Variants in ANKRD62 observed in about 807,000 individuals in gnomAD.
The protein encoded by ANKRD62 is ankyrin repeat domain-containing protein 62.
ANKRD62 carries 61 observed loss-of-function variants against 98.8 expected under a neutral mutation model. That is an observed-to-expected ratio of 0.62 (90% CI 0.50 to 0.76). ANKRD62 has a LOEUF of 0.76. Among genes scored for constraint, ANKRD62 ranks in the 30% least tolerant of loss-of-function variants. The pLI is 0.00. For missense variants in ANKRD62, 933 were observed against 1,082.9 expected (o/e 0.86, Z 1.94); for synonymous variants, 341 against 367.9 (o/e 0.93, Z 0.84).
the ANKRD62 span, among the ~76,000 whole-genome samples, chr18:12,150,097 C>A: frequency 2.4e-4 from 36 of 152,156 alleles, no homozygotes; most frequent in Non-Finnish European, 4.0e-4. Context: ...GAAAAAAAAA[C>A]ACCACCACCA....
At chr18:12,113,125 C>T (rs982505479) in intron 8 of ANKRD62, among the ~76,000 whole-genome samples, 2 of 152,074 alleles carry the variant, frequency 1.3e-5, no homozygotes, top group African/African-American at 4.8e-5. Flanking sequence ...GAACTCCTGA[C>T]CTCAGGTAAT....
chr18:12,115,117 G>A lies in ANKRD62; in HGVS notation c.1094G>A (p.Ser365Asn). The A allele has an allele frequency of 6.4e-6, 9 of 1,403,376 alleles. No individual in the cohort carries two copies. Among genetic ancestry groups the A allele is most frequent in the East Asian group, 2.6e-5 (1 of 38,254 alleles). 86.9% of individuals were successfully genotyped at this position (1,403,376 alleles called of 1,614,324 possible). A position where few individuals can be genotyped will look rare whatever the true frequency, so the allele number is the denominator to read the frequency against. Residue 365 changes from serine (S) to asparagine (N), a missense_variant, in exon 9 of 14, where the codon AGC becomes AAC. This residue lies in a region of ANKRD62 where 549 missense variants were observed against 587.9 expected (regional missense o/e 0.93). Coordinates refer to ENST00000587848, the MANE Select transcript of ANKRD62 (RefSeq NM_001277333.2). The part of the protein sequence containing the change: ...RLARKTSNEK[S>N]KVKSQIYFTD... ...GCAAGGAAAACCTCTAATGAAAAGAGCAAGGTATTATAAAAGTAAATTGTC... is the reference window on the plus strand; with the variant it reads ...GCAAGGAAAACCTCTAATGAAAAGAACAAGGTATTATAAAAGTAAATTGTC...
At chr18:12,111,173 C>T (rs1027683236) in intron 8 of ANKRD62, among the ~76,000 whole-genome samples, 5 of 150,844 alleles carry the variant, frequency 3.3e-5, no homozygotes, top group African/African-American at 7.3e-5. Context: ...TGCCTGAACC[C>T]GGGAGGCAGA....
the ANKRD62 span, among the ~76,000 whole-genome samples, chr18:12,158,557 G>A: frequency 5.3e-5 from 8 of 151,252 alleles, no homozygotes; most frequent in African/African-American, 1.2e-4. Flanking sequence ...ACGGAGTCTC[G>A]CTGTGTCGCC....
chr18:12,154,323 C>G, the ANKRD62 span, among the ~76,000 whole-genome samples: 1 of 152,184 alleles, frequency 6.6e-6, no homozygotes, highest in East Asian at 1.9e-4. Flanking sequence ...GACCTACATG[C>G]AGCCAACAGG....
chr18:12,172,582 C>A, the ANKRD62 span, among the ~76,000 whole-genome samples: 1 of 152,220 alleles, frequency 6.6e-6, no homozygotes, highest in East Asian at 1.9e-4. Context: ...CAGGGACCCA[C>A]TTGAGGAGGC....
the ANKRD62 span, among the ~76,000 whole-genome samples, chr18:12,138,614 T>C: frequency 2.6e-5 from 4 of 152,198 alleles, no homozygotes; most frequent in Non-Finnish European, 4.4e-5. Context: ...TAACTTTCTG[T>C]CTCGTTGATC....
chr18:12,122,933 A>G (rs1909810865), intron 11 of ANKRD62, among the ~76,000 whole-genome samples: 1 of 152,162 alleles, frequency 6.6e-6, no homozygotes, highest in African/African-American at 2.4e-5. Context: ...TCGTTGATTA[A>G]TATTACTAAG....
intron 10 of ANKRD62, among the ~76,000 whole-genome samples, chr18:12,118,608 TAAAAAAAA>T (rs34897974): frequency 7.1e-6 from 1 of 141,088 alleles, no homozygotes; most frequent in Admixed American, 7.1e-5. Flanking sequence ...GGCTCTGTCT[TAAAAAAAA>T]AAAAAAAAAA....
At chr18:12,158,610 CT>C in the ANKRD62 span, among the ~76,000 whole-genome samples, 3 of 151,916 alleles carry the variant, frequency 2.0e-5, no homozygotes, top group Non-Finnish European at 4.4e-5. Flanking sequence ...ACCGCAAGCT[CT>C]GCCTCCCGGG....
intron 7 of ANKRD62, among the ~76,000 whole-genome samples, chr18:12,106,959 G>A (rs1405542709): frequency 1.3e-5 from 2 of 152,088 alleles, no homozygotes; most frequent in African/African-American, 4.8e-5. Context: ...TGATGGCTTC[G>A]TCTTTTTATT....
chr18:12,126,861 A>G (rs572872540), intron 13 of ANKRD62, among the ~76,000 whole-genome samples: 2 of 152,330 alleles, frequency 1.3e-5, no homozygotes, highest in East Asian at 1.9e-4. Flanking sequence ...ATAGCTTTTA[A>G]TGTATCTTAG....
At chr18:12,154,804 T>TC in the ANKRD62 span, among the ~76,000 whole-genome samples, 1 of 152,176 alleles carries the variant, frequency 6.6e-6, no homozygotes, top group Non-Finnish European at 1.5e-5. Flanking sequence ...AAGAATAAGG[T>TC]CATGTCTTTT....
At chr18:12,171,520 T>C in the ANKRD62 span, among the ~76,000 whole-genome samples, 2 of 152,248 alleles carry the variant, frequency 1.3e-5, no homozygotes, top group African/African-American at 4.8e-5. Context: ...GTTAGTGTGA[T>C]GGGCTTCCCT....
chr18:12,157,299 A>C, the ANKRD62 span, among the ~76,000 whole-genome samples: 1 of 152,216 alleles, frequency 6.6e-6, no homozygotes, highest in African/African-American at 2.4e-5. Context: ...AAACACCTGT[A>C]GTCAAGTAAC....
chr18:12,119,638 C>T (rs1371235882), intron 10 of ANKRD62, among the ~76,000 whole-genome samples: 3 of 152,104 alleles, frequency 2.0e-5, no homozygotes, highest in South Asian at 2.1e-4. Flanking sequence ...TCTAAAAATC[C>T]GCCCTTGTGA....
At chr18:12,151,144 T>G in the ANKRD62 span, among the ~76,000 whole-genome samples, 1 of 152,046 alleles carries the variant, frequency 6.6e-6, no homozygotes, top group African/African-American at 2.4e-5. Flanking sequence ...GATCCTAATT[T>G]CAGACAAAAC....
At chr18:12,152,812 T>C in the ANKRD62 span, among the ~76,000 whole-genome samples, 2 of 152,150 alleles carry the variant, frequency 1.3e-5, no homozygotes, top group African/African-American at 4.8e-5. Flanking sequence ...ACAGCATTAT[T>C]CTATCTTTAG....
At chr18:12,127,378 AC>A (rs1232945501) in intron 13 of ANKRD62, among the ~76,000 whole-genome samples, 14 of 152,144 alleles carry the variant, frequency 9.2e-5, no homozygotes, top group Admixed American at 8.5e-4. Context: ...TATGTGAAGA[AC>A]TCTGAGGTTG....
Sources: gnomAD v4.1 joint callset for allele counts (sites outside exome capture counted in the v4.1 genomes callset) on GRCh38, gnomAD v4.1.1 for gene constraint, gnomAD v4.1.1 regional missense constraint, MANE v1.5 for transcripts, NCBI Gene and HGNC (gene_info 2026-07-23, HGNC 2026-07-21) for gene names.